Variants in STRN4 observed in about 807,000 individuals in gnomAD.
STRN4 encodes the protein striatin 4.
In STRN4, 27 loss-of-function variants were observed where a neutral mutation model predicts 77.9. The ratio of observed to expected loss-of-function variants is 0.35; its 90% CI spans 0.26 to 0.48. STRN4 has a LOEUF of 0.48. Among genes scored for constraint, STRN4 ranks in the 20% least tolerant of loss-of-function variants. The pLI, the probability that STRN4 is intolerant of heterozygous loss-of-function variation, is 0.99. For missense variants in STRN4, 798 were observed against 1,049.7 expected (o/e 0.76, Z 3.31); for synonymous variants, 466 against 443.1 (o/e 1.05, Z -0.65).
At position 46,738,914 on chromosome 19, in the gene STRN4, G is replaced by A. The variant is rs1387302110; in HGVS notation, c.283-26C>T. Reference sequence around the variant, plus strand: ...CTGGGAGGGCAGACAGGAGGCAAAGGGAGATAATGGGGCTCAGGCTCAATG... The same window carrying A: ...CTGGGAGGGCAGACAGGAGGCAAAGAGAGATAATGGGGCTCAGGCTCAATG... On this transcript the variant is annotated intron_variant, in intron 1 of 17. Coordinates refer to ENST00000263280, the MANE Select transcript of STRN4 (RefSeq NM_013403.3). The surrounding 1 kb of genome is among the most constrained non-coding windows in gnomAD (Gnocchi z 4.5). 3 of 1,595,178 alleles carry A rather than the reference G, an allele frequency of 1.9e-6. No individual in the cohort carries two copies. The highest frequency in any genetic ancestry group is 2.6e-6 in the Non-Finnish European group (3 of 1,164,568).
chr19:46,728,589 C>T (rs774642375), intron 7 of STRN4, 29 bp downstream of exon 7: 15 of 1,601,530 alleles, frequency 9.4e-6, no homozygotes, highest in South Asian at 7.7e-5. Flanking sequence ...GGAAGGCAAG[C>T]GGGGGCTGGC....
Position 46,724,928 on chromosome 19 carries a change from C to A in STRN4, c.1473G>T (p.Arg491Ser), listed in dbSNP as rs771874482. 1 of 1,613,940 alleles carries A rather than the reference C, an allele frequency of 6.2e-7. No homozygotes were observed. The highest frequency in any genetic ancestry group is 1.1e-5 in the South Asian group (1 of 91,090). The change falls in exon 12 of 18, where the codon AGG becomes AGT. Residue 491 changes from arginine (R) to serine (S), a missense_variant and splice_region_variant. Physicochemically the swap from Arg to Ser is moderately radical, Grantham distance 110. Transcript: ENST00000263280. ...VEPIHAFRAH[R>S]GPVLAVAMGS... is the part of the protein sequence containing the mutation. ...CCATAGCCACAGCCAACACTGGGCCCCTGGAAGGGACAAATATGTGGAAAG... is the reference window on the plus strand; with the variant it reads ...CCATAGCCACAGCCAACACTGGGCCACTGGAAGGGACAAATATGTGGAAAG...
rs567734972 is a variant in STRN4 at position 46,723,425 on chromosome 19, G to T, written c.1595-141C>A. 1,036 of 1,111,492 alleles carry T rather than the reference G, an allele frequency of 9.3e-4. 2 individuals carry two copies. The highest frequency in any genetic ancestry group is 2.2e-3 in the Admixed American group (80 of 35,762). 68.9% of individuals were successfully genotyped at this position (1,111,492 alleles called of 1,614,324 possible). On this transcript the variant is annotated intron_variant, in intron 12 of 17. Transcript: ENST00000263280. The surrounding 1 kb of genome is among the most constrained non-coding windows in gnomAD (Gnocchi z 5.5). ...CCCACTTCACACCTGGTGCCCCTCG[G>T]AACTGTCCACTGCCAGGACAGCCCG...
intron 1 of STRN4, among the ~76,000 whole-genome samples, chr19:46,742,150 G>A (rs1218429970): frequency 1.3e-5 from 2 of 152,180 alleles, no homozygotes; most frequent in Non-Finnish European, 2.9e-5. Context: ...TCCTCTGCCA[G>A]CCTGGAAGTT....
At chr19:46,735,552 C>T (rs1264631781) in intron 4 of STRN4, among the ~76,000 whole-genome samples, 1 of 152,034 alleles carries the variant, frequency 6.6e-6, no homozygotes, top group Non-Finnish European at 1.5e-5. Context: ...CCATATATGG[C>T]AAAATGTTTA....
chr19:46,734,734 G>C (rs371672948), intron 4 of STRN4, among the ~76,000 whole-genome samples: 250 of 152,170 alleles, frequency 1.6e-3, no homozygotes, highest in African/African-American at 5.8e-3. Context: ...GCACGATCTC[G>C]GCTCACTGCA....
At chr19:46,736,397 C>A (rs1034643588) in intron 4 of STRN4, 1 of 153,876 alleles carries the variant, frequency 6.5e-6, no homozygotes, top group African/African-American at 2.4e-5. Flanking sequence ...CCACTTCCCA[C>A]TACTGTATTT....
In STRN4 at chr19:46,738,661, G is replaced by T. The variant is rs1030419117; in HGVS notation, c.386+124C>A. 4 of 908,454 alleles carry T rather than the reference G, an allele frequency of 4.4e-6. No homozygotes were observed. In the African/African-American group the frequency reaches 4.9e-5, roughly 11 times the overall value. The allele number at this position is 908,454 out of a possible 1,614,324, so 56.3% of individuals were successfully genotyped here. ...TCTCCCCTAGAATCTTATGGTACTGGAATGATGGAAAAGAATGTCGACCCC... is the reference window on the plus strand; with the variant it reads ...TCTCCCCTAGAATCTTATGGTACTGTAATGATGGAAAAGAATGTCGACCCC... On this transcript the variant is annotated intron_variant, in intron 2 of 17. Coordinates refer to ENST00000263280, the MANE Select transcript of STRN4 (RefSeq NM_013403.3). This position sits in a 1 kb window ranked among gnomAD's most constrained non-coding sequence, Gnocchi z 4.5.
chr19:46,745,985 C>G, intron 1 of STRN4, 164 bp downstream of exon 1: 1 of 893,632 alleles, frequency 1.1e-6, no homozygotes, highest in Non-Finnish European at 1.5e-6. Flanking sequence ...GGACACCCCT[C>G]GGACGGCCCC....
chr19:46,723,659 G>A lies in STRN4; in HGVS notation c.1595-375C>T. On this transcript the variant is annotated intron_variant, in intron 12 of 17. Transcript: ENST00000263280. The surrounding 1 kb of genome is among the most constrained non-coding windows in gnomAD (Gnocchi z 5.5). ...CGCAGCCTGTGCTGGACAAGGGTTGGTCCCAACCCTGGCCCGAGCAGTCTT... is the reference window on the plus strand; with the variant it reads ...CGCAGCCTGTGCTGGACAAGGGTTGATCCCAACCCTGGCCCGAGCAGTCTT... 6.6e-6 allele frequency among the ~76,000 whole-genome samples: 1 copy of A among 152,212 alleles called. No individual in the cohort carries two copies. The highest frequency in any genetic ancestry group is 1.9e-4 in the East Asian group (1 of 5,184).
At chr19:46,721,920 A>G (rs933947247) in intron 16 of STRN4, 66 bp downstream of exon 16, 1 of 1,575,764 alleles carries the variant, frequency 6.3e-7, no homozygotes, top group Non-Finnish European at 8.7e-7. Flanking sequence ...ACTTGCCTGG[A>G]GCCAGTGCCC....
In STRN4 at chr19:46,730,762, G is replaced by A; in HGVS notation, c.849C>T (p.Asp283=). 1 of 1,612,816 alleles carries A rather than the reference G, an allele frequency of 6.2e-7. No individual in the cohort carries two copies. The change falls in exon 6 of 18, where the codon GAC becomes GAT. Residue 283 remains aspartate, a synonymous_variant. Transcript: ENST00000263280. ...CACGCTGCTTCTTGTGCTGCACGCTGTCCAGCTCATCGTCCTCGTCGCTGT... is the reference window on the plus strand; with the variant it reads ...CACGCTGCTTCTTGTGCTGCACGCTATCCAGCTCATCGTCCTCGTCGCTGT... ...DEDSDEDDEL[D]SVQHKKQRVK... is the part of the protein sequence containing the mutation.
chr19:46,725,748 T>C (rs1215012956), intron 9 of STRN4, 100 bp from the exon 10 acceptor site: 2 of 1,450,538 alleles, frequency 1.4e-6, no homozygotes, highest in African/African-American at 1.4e-5. Flanking sequence ...TCCACCCACA[T>C]GACCCTGGCA....
chr19:46,722,644 G>A (rs1168533093), intron 14 of STRN4, among the ~76,000 whole-genome samples, 166 bp downstream of exon 14: 2 of 152,230 alleles, frequency 1.3e-5, no homozygotes, highest in Non-Finnish European at 2.9e-5. Flanking sequence ...CCCTGGCTGT[G>A]AGGGCCGGGG....
intron 4 of STRN4, among the ~76,000 whole-genome samples, chr19:46,735,937 C>T (rs1405087156): frequency 6.6e-6 from 1 of 151,244 alleles, no homozygotes; most frequent in Non-Finnish European, 1.5e-5. Context: ...GCACTCCAGC[C>T]TGGGCAACAA....
rs577987327 is a variant in STRN4, at chr19:46,723,207, G to T, written c.1672C>A (p.Arg558Ser). Residue 558 changes from arginine to serine, a missense_variant, in exon 13 of 18, where the codon CGC becomes AGC. This residue lies in a region of STRN4 where 287 missense variants were observed against 473.8 expected (regional missense o/e 0.61). Transcript: ENST00000263280. The surrounding 1 kb of genome is among the most constrained non-coding windows in gnomAD (Gnocchi z 5.5). ...WGLAFSPTSQ[R>S]LASCSADGTV... The stretch of plus-strand genomic sequence containing the variant: ...CCATCAGCAGAACAGGAGGCCAGGC[G>T]CTGGGAGGTGGGACTGAAGGCCAGG... 4 of 1,554,782 alleles carry T rather than the reference G, an allele frequency of 2.6e-6. No homozygotes were observed. Among genetic ancestry groups the T allele is most frequent in the Non-Finnish European group, 3.5e-6 (4 of 1,149,860 alleles).
intron 1 of STRN4, among the ~76,000 whole-genome samples, chr19:46,743,493 C>CA (rs1401867583): frequency 6.6e-6 from 1 of 152,190 alleles, no homozygotes; most frequent in Non-Finnish European, 1.5e-5. Context: ...GGCCAAGATT[C>CA]AGTCCAAGCT....
rs374945227 is a variant in STRN4, at chr19:46,722,234, G to C, written c.2005+8C>G. 6.2e-7 allele frequency: 1 copy of C among 1,614,064 alleles called. No homozygotes were observed. The highest frequency in any genetic ancestry group is 1.1e-5 in the South Asian group (1 of 91,072). On this transcript the variant is annotated splice_region_variant and intron_variant, in intron 15 of 17. Transcript: ENST00000263280. ...CACCCACTACGAGCACAAGGGGCTA[G>C]GCCTCACCTGTCCGATTGTCCAGGA...
intron 1 of STRN4, 106 bp downstream of exon 1, chr19:46,746,043 G>GGCGGGC: frequency 8.6e-7 from 1 of 1,161,902 alleles, no homozygotes; most frequent in Non-Finnish European, 1.1e-6. Context: ...CCCCCCGCCG[G>GGCGGGC]CCGTCCCGGC....
Sources: gnomAD v4.1 joint callset for allele counts (sites outside exome capture counted in the v4.1 genomes callset) on GRCh38, gnomAD v4.1.1 for gene constraint, gnomAD v4.1.1 regional missense constraint, Gnocchi (gnomAD v3.1) non-coding constraint, MANE v1.5 for transcripts, NCBI Gene and HGNC (gene_info 2026-07-23, HGNC 2026-07-21) for gene names.